Variants in BMERB1 observed in about 807,000 individuals in gnomAD.
BMERB1 encodes the protein bMERB domain containing 1, also known as bMERB domain-containing protein 1.
Under a neutral mutation model 23.6 loss-of-function variants are expected in BMERB1, and 12 were observed. The observed-to-expected ratio is 0.51, with a 90% CI of 0.33 to 0.82. The LOEUF (loss-of-function observed/expected upper bound fraction) is 0.82. BMERB1 is among the 40% of genes least tolerant of loss of function. BMERB1 has a pLI of 0.03. For synonymous variants in BMERB1, 122 were observed against 96.6 expected (o/e 1.26, Z -1.54); for missense variants, 247 against 255.4 (o/e 0.97, Z 0.22).
intron 3 of BMERB1, among the ~76,000 whole-genome samples, chr16:15,569,859 T>G (rs1216007115): frequency 6.6e-6 from 1 of 152,226 alleles, no homozygotes; most frequent in African/African-American, 2.4e-5. Flanking sequence ...TGTCTACACC[T>G]TAGCAGAATT....
chr16:15,488,829 A>C (rs1047706545), intron 1 of BMERB1, among the ~76,000 whole-genome samples: 1 of 151,578 alleles, frequency 6.6e-6, no homozygotes, highest in Non-Finnish European at 1.5e-5. Context: ...AAAAAAAAAA[A>C]AACAAAGATA....
At chr16:15,537,348 C>G (rs931909966) in intron 2 of BMERB1, among the ~76,000 whole-genome samples, 6 of 145,958 alleles carry the variant, frequency 4.1e-5, no homozygotes, top group African/African-American at 1.5e-4. Flanking sequence ...ATAGATTTTT[C>G]TTATTCTTAA....
At chr16:15,499,813 A>G (rs2051510314) in intron 1 of BMERB1, among the ~76,000 whole-genome samples, 1 of 152,214 alleles carries the variant, frequency 6.6e-6, no homozygotes, top group Non-Finnish European at 1.5e-5. Flanking sequence ...ATGTCGCAGC[A>G]TTATTATTTA....
intron 1 of BMERB1, among the ~76,000 whole-genome samples, chr16:15,443,631 G>A (rs2050960252): frequency 6.6e-6 from 1 of 151,742 alleles, no homozygotes; most frequent in South Asian, 2.1e-4. Flanking sequence ...AAAAGTACAA[G>A]TGTGGGCCAG....
chr16:15,445,577 G>A (rs956885168), intron 1 of BMERB1, among the ~76,000 whole-genome samples: 1 of 152,032 alleles, frequency 6.6e-6, no homozygotes, highest in Non-Finnish European at 1.5e-5. Flanking sequence ...AAACCAAATT[G>A]GAACCTTACT....
intron 1 of BMERB1, among the ~76,000 whole-genome samples, chr16:15,506,628 G>A (rs184204737): frequency 1.5e-3 from 222 of 151,532 alleles, no homozygotes; most frequent in Non-Finnish European, 2.3e-3. Flanking sequence ...CAACCATCAC[G>A]ATTGCCTAAC....
intron 4 of BMERB1, among the ~76,000 whole-genome samples, chr16:15,581,866 T>C (rs1454023885): frequency 2.0e-5 from 3 of 152,170 alleles, no homozygotes; most frequent in African/African-American, 7.2e-5. Context: ...ATGTTGAAAA[T>C]GTGGAAAGCT....
chr16:15,454,520 T>C (rs552357834), intron 1 of BMERB1, among the ~76,000 whole-genome samples: 9 of 152,164 alleles, frequency 5.9e-5, no homozygotes, highest in Non-Finnish European at 1.3e-4. Flanking sequence ...GGGCTGGTCA[T>C]GGTGGCTCAC....
At chr16:15,538,528 T>C (rs1218188182) in intron 2 of BMERB1, among the ~76,000 whole-genome samples, 1 of 152,156 alleles carries the variant, frequency 6.6e-6, no homozygotes, top group Admixed American at 6.5e-5. Context: ...TGTTTGCTAC[T>C]GTTCCATGTC....
chr16:15,528,531 T>C (rs1326111959), intron 2 of BMERB1, among the ~76,000 whole-genome samples: 3 of 152,050 alleles, frequency 2.0e-5, no homozygotes, highest in African/African-American at 7.2e-5. Context: ...CTCCAACTTC[T>C]TTTCTTCATC....
At chr16:15,473,480 A>G (rs975361038) in intron 1 of BMERB1, among the ~76,000 whole-genome samples, 1 of 150,030 alleles carries the variant, frequency 6.7e-6, no homozygotes, top group Non-Finnish European at 1.5e-5. Context: ...TTTAGTAGCG[A>G]TGGGGTTTCA....
At chr16:15,467,689 A>G (rs2051192702) in intron 1 of BMERB1, among the ~76,000 whole-genome samples, 1 of 152,136 alleles carries the variant, frequency 6.6e-6, no homozygotes, top group South Asian at 2.1e-4. Context: ...ACTCTGTAAA[A>G]TATTTGAAGA....
At chr16:15,563,070 G>C (rs2030468498) in intron 2 of BMERB1, among the ~76,000 whole-genome samples, 1 of 152,114 alleles carries the variant, frequency 6.6e-6, no homozygotes, top group South Asian at 2.1e-4. Context: ...AAATTAGTCT[G>C]TTCTCGCATT....
chr16:15,549,670 A>G (rs2030024813), intron 2 of BMERB1, among the ~76,000 whole-genome samples: 1 of 149,730 alleles, frequency 6.7e-6, no homozygotes, highest in Non-Finnish European at 1.5e-5. Flanking sequence ...AGAGTGAGAC[A>G]TTGTCTAAAA....
chr16:15,487,845 G>C (rs187018678), intron 1 of BMERB1, among the ~76,000 whole-genome samples: 118 of 152,280 alleles, frequency 7.7e-4, no homozygotes, highest in Middle Eastern at 6.8e-3. Flanking sequence ...CTGGTGGGCG[G>C]GTCTTTTAGC....
chr16:15,443,035 A>G (rs1415676116), intron 1 of BMERB1, among the ~76,000 whole-genome samples: 2 of 151,630 alleles, frequency 1.3e-5, no homozygotes, highest in East Asian at 3.9e-4. Context: ...ATCACTTAAC[A>G]TCAGGAGTTC....
At chr16:15,584,516 C>T (rs1379623077) in intron 5 of BMERB1, among the ~76,000 whole-genome samples, 2 of 150,786 alleles carry the variant, frequency 1.3e-5, no homozygotes, top group Non-Finnish European at 3.0e-5. Context: ...CGAGATCACA[C>T]CACTACACTC....
At chr16:15,541,430 T>G (rs1449171043) in intron 2 of BMERB1, among the ~76,000 whole-genome samples, 1 of 143,044 alleles carries the variant, frequency 7.0e-6, no homozygotes, top group African/African-American at 2.6e-5. Flanking sequence ...ATTGTTTTTT[T>G]TTTTTTTTTT....
chr16:15,586,972 C>A lies in BMERB1; in HGVS notation c.*143C>A. 1.6e-6 allele frequency: 1 copy of A among 631,386 alleles called. No homozygotes were observed. The highest frequency in any genetic ancestry group is 1.8e-5 in the African/African-American group (1 of 54,440). The allele number at this position is 631,386 out of a possible 1,614,324, so 39.1% of individuals were successfully genotyped here. On this transcript the variant is annotated 3_prime_UTR_variant, in exon 6 of 6. Coordinates refer to ENST00000300006, the MANE Select transcript of BMERB1 (RefSeq NM_033201.3). ...TGACTGTCACCAGAGGCCATGGGCA[C>A]GGCAGGCGGGCCTGGCCACCCTGTA...
Sources: allele counts gnomAD v4.1 joint callset (sites outside exome capture counted in the v4.1 genomes callset), GRCh38; gene constraint gnomAD v4.1.1; transcripts MANE v1.5; gene names NCBI Gene and HGNC (gene_info 2026-07-23, HGNC 2026-07-21).